UNC79: variants seen among roughly 807,000 people sequenced by gnomAD.
UNC79 encodes the protein protein unc-79 homolog.
A neutral mutation model predicts 283.1 loss-of-function variants in UNC79; 37 were observed. That is an observed-to-expected ratio of 0.13 (90% confidence interval 0.10 to 0.17). The LOEUF is 0.17. Among genes scored for constraint, UNC79 ranks in the 10% least tolerant of loss-of-function variants. The pLI is 1.00. For synonymous variants in UNC79, 1,107 were observed against 1,200.2 expected, an observed-to-expected ratio of 0.92 and a Z score of 1.61; for missense variants, 2,272 against 3,211.1, an observed-to-expected ratio of 0.71 and a Z score of 7.07.
At chr14:93,446,561 A>G (rs2056467263) in intron 1 of UNC79, among the ~76,000 whole-genome samples, 1 of 151,994 alleles carries the variant, frequency 6.6e-6, no homozygotes, top group South Asian at 2.1e-4. Context: ...ATGCTTGGCC[A>G]ATTTGCATTT....
At chr14:93,479,180 C>CTTCT (rs1332532946) in intron 4 of UNC79, among the ~76,000 whole-genome samples, 3 of 103,348 alleles carry the variant, frequency 2.9e-5, no homozygotes, top group Non-Finnish European at 6.6e-5. Context: ...TGTTTCCTTC[C>CTTCT]TTCCTTCCTT....
intron 7 of UNC79, among the ~76,000 whole-genome samples, chr14:93,511,483 T>C (rs1408413849): frequency 6.6e-6 from 1 of 152,168 alleles, no homozygotes; most frequent in Admixed American, 6.5e-5. Flanking sequence ...GAGTCTCGCT[T>C]TGTCACCAGG....
intron 17 of UNC79, among the ~76,000 whole-genome samples, chr14:93,575,627 C>T (rs2063433455): frequency 6.6e-6 from 1 of 152,074 alleles, no homozygotes; most frequent in African/African-American, 2.4e-5. Context: ...GTGAGGGATG[C>T]TGTCACTGTG....
intron 13 of UNC79, among the ~76,000 whole-genome samples, chr14:93,541,676 T>C (rs1250372800): frequency 6.6e-6 from 1 of 152,166 alleles, no homozygotes; most frequent in Non-Finnish European, 1.5e-5. Flanking sequence ...CAATAGAAGA[T>C]TAGTTCATAG....
chr14:93,513,618 A>G (rs1488106224), intron 7 of UNC79, among the ~76,000 whole-genome samples: 5 of 152,152 alleles, frequency 3.3e-5, no homozygotes, highest in Non-Finnish European at 7.4e-5. Context: ...AAGTCATGGT[A>G]TTTGGGGTGT....
chr14:93,647,433 A>G (rs906779427), intron 35 of UNC79, among the ~76,000 whole-genome samples: 9 of 152,236 alleles, frequency 5.9e-5, no homozygotes, highest in African/African-American at 1.9e-4. Flanking sequence ...GGTCAAGGAC[A>G]GCATTTTTGA....
chr14:93,522,111 C>T (rs1174958927), intron 7 of UNC79, among the ~76,000 whole-genome samples: 1 of 151,922 alleles, frequency 6.6e-6, no homozygotes, highest in Non-Finnish European at 1.5e-5. Flanking sequence ...AGTAGGACCT[C>T]CTGGATATCT....
intron 41 of UNC79, among the ~76,000 whole-genome samples, chr14:93,676,660 C>T (rs2073366265): frequency 6.6e-6 from 1 of 152,190 alleles, no homozygotes; most frequent in Non-Finnish European, 1.5e-5. Context: ...CATACTGTAA[C>T]TGCTGGAGAC....
rs771617125 is a variant in UNC79 at position 93,554,767 on chromosome 14, A to G, written c.1755+12071A>G. Among the ~76,000 whole-genome samples, 11 of 152,204 alleles carry G rather than the reference A, an allele frequency of 7.2e-5. No homozygotes were observed. The South Asian group carries it at 1.7e-3, about 23-fold the overall frequency. ...TGGCTTAAACTTTCAGTTATATTCT[A>G]TCTTTCTTTTAACCCAAAACAATCC... On this transcript the variant is annotated intron_variant, in intron 14 of 48. Transcript: ENST00000555664.
In UNC79 at chr14:93,363,587, G is replaced by A. The variant is rs539358940; in HGVS notation, c.-351+30064G>A. ...TATTGAAGTCTCCCACTGTTATTGT[G>A]TGGTTATCTAAGAGTCTTTATAGGT... On this transcript the variant is annotated intron_variant, in intron 1 of 49. Transcript: ENST00000256339. Among the ~76,000 whole-genome samples the A allele has an allele frequency of 3.5e-4, 53 of 152,276 alleles. 1 individual carries two copies. In the South Asian group the frequency reaches 0.011, roughly 31 times the overall value.
chr14:93,535,809 A>T (rs2141113489), intron 11 of UNC79, among the ~76,000 whole-genome samples: 1 of 152,280 alleles, frequency 6.6e-6, no homozygotes. Context: ...CAGCAAGTGG[A>T]AGCTGCGTGT....
chr14:93,508,560 A>G (rs1350840661), intron 7 of UNC79, among the ~76,000 whole-genome samples: 1 of 152,106 alleles, frequency 6.6e-6, no homozygotes, highest in Non-Finnish European at 1.5e-5. Flanking sequence ...AATTTCTCTC[A>G]GTGGTGCTCT....
Position 93,616,349 on chromosome 14 carries a change from T to C in UNC79, c.4042-773T>C, listed in dbSNP as rs892548312. Among the ~76,000 whole-genome samples, 5 of 148,048 alleles carry C rather than the reference T, an allele frequency of 3.4e-5. No homozygotes were observed. The East Asian group carries it at 5.9e-4, about 17-fold the overall frequency. ...GCTGTATTAGACGGTATATGCTTTTTCTTTCTTTCTTTTTTCCTTTTTTTT... is the reference window on the plus strand; with the variant it reads ...GCTGTATTAGACGGTATATGCTTTTCCTTTCTTTCTTTTTTCCTTTTTTTT... On this transcript the variant is annotated intron_variant, in intron 27 of 48. Transcript: ENST00000555664.
chr14:93,405,283 C>T (rs7145795), intron 1 of UNC79, among the ~76,000 whole-genome samples: 2,703 of 120,632 alleles, frequency 0.022, 100 homozygotes, highest in African/African-American at 0.075. Context: ...AACTCCATCT[C>T]AAAAAAAAAA....
At chr14:93,701,017 T>C (rs2141047797) in intron 47 of UNC79, among the ~76,000 whole-genome samples, 1 of 152,288 alleles carries the variant, frequency 6.6e-6, no homozygotes, top group South Asian at 2.1e-4. Flanking sequence ...TCTCTCTCTG[T>C]AGATCTCTCC....
intron 1 of UNC79, among the ~76,000 whole-genome samples, chr14:93,398,452 A>T (rs1277056296): frequency 6.6e-6 from 1 of 152,226 alleles, no homozygotes; most frequent in Non-Finnish European, 1.5e-5. Flanking sequence ...GACTATATAG[A>T]GGAATTGAGA....
chr14:93,394,832 A>G (rs1269162706), intron 1 of UNC79, among the ~76,000 whole-genome samples: 1 of 152,198 alleles, frequency 6.6e-6, no homozygotes, highest in African/African-American at 2.4e-5. Flanking sequence ...TCACCTCAGT[A>G]TCCTGAGTAG....
intron 35 of UNC79, among the ~76,000 whole-genome samples, chr14:93,653,045 A>C (rs1489465536): frequency 6.6e-6 from 1 of 152,190 alleles, no homozygotes; most frequent in Non-Finnish European, 1.5e-5. Context: ...TTAGGTAAGC[A>C]GTACTTCTTA....
intron 24 of UNC79, among the ~76,000 whole-genome samples, chr14:93,599,382 G>GTGTGTGTGTGTGTGTT (rs1055178710): frequency 4.6e-5 from 7 of 151,132 alleles, no homozygotes; most frequent in African/African-American, 1.7e-4. Flanking sequence ...GTGTGTGTGT[G>GTGTGTGTGTGTGTGTT]TGTATGTGTG....
Sources: gnomAD v4.1 joint callset for allele counts (sites outside exome capture counted in the v4.1 genomes callset) on GRCh38, gnomAD v4.1.1 for gene constraint, MANE v1.5 for transcripts, NCBI Gene and HGNC (gene_info 2026-07-23, HGNC 2026-07-21) for gene names.